ARHGAP39: variants seen among roughly 807,000 people sequenced by gnomAD.
ARHGAP39 encodes rho GTPase-activating protein 39.
A neutral mutation model predicts 106.9 loss-of-function variants in ARHGAP39; 44 were observed. The observed-to-expected ratio is 0.41, with a 90% CI of 0.32 to 0.53. ARHGAP39 has a LOEUF of 0.53. Among genes scored for constraint, ARHGAP39 ranks in the 20% least tolerant of loss-of-function variants. The probability of loss-of-function intolerance (pLI) is 0.21; values close to 1 mark genes in which losing one functional copy is unlikely to be tolerated. For missense variants in ARHGAP39, 1,496 were observed against 1,577.3 expected, an observed-to-expected ratio of 0.95 and a Z score of 0.87; for synonymous variants, 768 against 693.2, an observed-to-expected ratio of 1.11 and a Z score of -1.69.
chr8:144,616,896 G>A (rs1563710146), intron 1 of ARHGAP39, among the ~76,000 whole-genome samples: 4 of 152,218 alleles, frequency 2.6e-5, no homozygotes, highest in Admixed American at 2.0e-4. Context: ...ATGTTGCCCA[G>A]TGAATCAACA....
At chr8:144,594,708 AAAG>A (rs1335039466) in intron 2 of ARHGAP39, among the ~76,000 whole-genome samples, 5 of 151,932 alleles carry the variant, frequency 3.3e-5, no homozygotes, top group Non-Finnish European at 7.4e-5. Context: ...AAAAAAAAAA[AAAG>A]GTTAAATATA....
At chr8:144,583,698 A>T (rs1158939974) in intron 2 of ARHGAP39, among the ~76,000 whole-genome samples, 1 of 152,190 alleles carries the variant, frequency 6.6e-6, no homozygotes, top group Admixed American at 6.5e-5. Flanking sequence ...AGAATTTGTC[A>T]TGTTGGCGGT....
At chr8:144,540,380 A>G (rs1324748423) in intron 6 of ARHGAP39, among the ~76,000 whole-genome samples, 2 of 152,156 alleles carry the variant, frequency 1.3e-5, no homozygotes, top group Non-Finnish European at 2.9e-5. Flanking sequence ...TGGGCCACAG[A>G]GTCTCAGAAT....
intron 3 of ARHGAP39, among the ~76,000 whole-genome samples, chr8:144,558,792 G>A (rs1818037301): frequency 2.6e-5 from 4 of 152,100 alleles, no homozygotes; most frequent in Non-Finnish European, 5.9e-5. Flanking sequence ...ACATAATTAG[G>A]CTGGGCACGG....
intron 1 of ARHGAP39, among the ~76,000 whole-genome samples, chr8:144,619,844 G>A (rs911435721): frequency 2.0e-5 from 3 of 147,616 alleles, no homozygotes; most frequent in African/African-American, 7.5e-5. Flanking sequence ...GTGCCCATGT[G>A]CGAGCTTGTG....
At chr8:144,658,429 C>A (rs1821749109) in intron 1 of ARHGAP39, among the ~76,000 whole-genome samples, 1 of 152,206 alleles carries the variant, frequency 6.6e-6, no homozygotes, top group African/African-American at 2.4e-5. Context: ...CATGTGCCAC[C>A]ATGCCCAGCT....
intron 1 of ARHGAP39, among the ~76,000 whole-genome samples, chr8:144,630,741 G>A (rs558832897): frequency 3.9e-5 from 6 of 152,364 alleles, no homozygotes; most frequent in South Asian, 2.1e-4. Context: ...CCTCTCTTTC[G>A]CTAGGTGAGA....
At chr8:144,611,868 A>G (rs1820500011) in intron 1 of ARHGAP39, among the ~76,000 whole-genome samples, 1 of 152,000 alleles carries the variant, frequency 6.6e-6, no homozygotes, top group Non-Finnish European at 1.5e-5. Context: ...AATTAGCCAG[A>G]CATGGTGGGG....
Position 144,644,914 on chromosome 8 carries a change from G to A in ARHGAP39, c.-81-39219C>T, listed in dbSNP as rs1028915179. Among the ~76,000 whole-genome samples, 2 of 152,212 alleles carry A rather than the reference G, an allele frequency of 1.3e-5. No homozygotes were observed. The highest frequency in any genetic ancestry group is 2.9e-5 in the Non-Finnish European group (2 of 68,038). On this transcript the variant is annotated intron_variant, in intron 1 of 11. Transcript: ENST00000377307. This position sits in a 1 kb window ranked among gnomAD's most constrained non-coding sequence, Gnocchi z 4.8. ...TTCATCTCATCAGACTCTGCCCCTA[G>A]CAGGTCCTCTGCTCCGTGCTGCCAC... is the stretch of plus-strand genomic sequence containing the variant.
At chr8:144,608,048 G>A (rs563969044) in intron 1 of ARHGAP39, among the ~76,000 whole-genome samples, 5 of 151,020 alleles carry the variant, frequency 3.3e-5, no homozygotes, top group Admixed American at 2.0e-4. Flanking sequence ...TCCCAGCTAC[G>A]CAGGAGGCTG....
rs924201894 is a variant in ARHGAP39 at position 144,585,388 on chromosome 8, C to T, written c.81-4111G>A. 4.0e-5 allele frequency among the ~76,000 whole-genome samples: 6 copies of T among 150,220 alleles called. No individual in the cohort carries two copies. The highest frequency in any genetic ancestry group is 1.5e-4 in the African/African-American group (6 of 40,830). Reference sequence around the variant, plus strand: ...AGGGGCCAGCCAAGGGTTCCCAGCACCGGCTCACCGAGAACCTGGAGGGGC... The same window carrying T: ...AGGGGCCAGCCAAGGGTTCCCAGCATCGGCTCACCGAGAACCTGGAGGGGC... On this transcript the variant is annotated intron_variant, in intron 2 of 11. Transcript: ENST00000377307. The surrounding 1 kb of genome is among the most constrained non-coding windows in gnomAD (Gnocchi z 4.6).
intron 6 of ARHGAP39, chr8:144,543,733 GCA>G (rs1817290440): frequency 6.6e-6 from 1 of 152,404 alleles, no homozygotes; most frequent in Non-Finnish European, 1.5e-5. Flanking sequence ...GCAGCCTGGA[GCA>G]CACACTCCCC....
chr8:144,541,072 G>A (rs751924296), intron 6 of ARHGAP39, among the ~76,000 whole-genome samples: 10 of 152,280 alleles, frequency 6.6e-5, no homozygotes, highest in South Asian at 2.1e-4. Context: ...GGCTGGTCTC[G>A]AACTCTTGGC....
intron 3 of ARHGAP39, among the ~76,000 whole-genome samples, chr8:144,577,638 A>T (rs1344370757): frequency 6.6e-6 from 1 of 152,264 alleles, no homozygotes; most frequent in South Asian, 2.1e-4. Flanking sequence ...CCCAGAGATT[A>T]TAAACGAAGG....
chr8:144,532,187 G>C (rs1417336103), intron 10 of ARHGAP39, 118 bp downstream of exon 10: 1 of 827,342 alleles, frequency 1.2e-6, no homozygotes, highest in African/African-American at 1.7e-5. Flanking sequence ...AGAAGTGACT[G>C]GGAAGCCATC....
At chr8:144,555,709 C>T (rs1362991822) in intron 3 of ARHGAP39, 66 bp from the exon 4 acceptor site, 3 of 1,409,852 alleles carry the variant, frequency 2.1e-6, no homozygotes, top group Admixed American at 1.7e-5. Context: ...CCAGCCACTC[C>T]CTGACTTAAG....
At chr8:144,605,130 T>G (rs543331438) in intron 2 of ARHGAP39, among the ~76,000 whole-genome samples, 1 of 152,190 alleles carries the variant, frequency 6.6e-6, no homozygotes, top group South Asian at 2.1e-4. Flanking sequence ...GACGTGGTGG[T>G]GCACACCTGC....
chr8:144,676,789 G>A (rs1447835425), intron 1 of ARHGAP39, among the ~76,000 whole-genome samples: 1 of 152,254 alleles, frequency 6.6e-6, no homozygotes, highest in Non-Finnish European at 1.5e-5. Context: ...GCCGGCTCTG[G>A]CCTCGGCCAG....
chr8:144,620,790 G>A (rs1388881836), intron 1 of ARHGAP39, among the ~76,000 whole-genome samples: 1 of 152,264 alleles, frequency 6.6e-6, no homozygotes, highest in Non-Finnish European at 1.5e-5. Context: ...AGGCGCCTAC[G>A]TGTGAGAAGA....
Sources: allele counts gnomAD v4.1 joint callset (sites outside exome capture counted in the v4.1 genomes callset), GRCh38; gene constraint gnomAD v4.1.1; non-coding constraint Gnocchi (gnomAD v3.1); transcripts MANE v1.5; gene names NCBI Gene and HGNC (gene_info 2026-07-23, HGNC 2026-07-21).